Variants in SUCLG2 observed in about 807,000 individuals in gnomAD.
SUCLG2 encodes succinate-CoA ligase GDP-forming subunit beta.
In SUCLG2, 42 loss-of-function variants were observed where a neutral mutation model predicts 47.9. That is an observed-to-expected ratio of 0.88 (90% CI 0.69 to 1.14). The LOEUF is 1.14. Among genes scored for constraint, SUCLG2 ranks in the 50% most tolerant of loss-of-function variants. The pLI, the probability that SUCLG2 is intolerant of heterozygous loss-of-function variation, is 0.00. For missense variants in SUCLG2, 571 were observed against 525.9 expected (o/e 1.09, Z -0.84); for synonymous variants, 195 against 197.3 (o/e 0.99, Z 0.10).
rs1001525725 is a variant in SUCLG2 at position 67,364,943 on chromosome 3, A to G, written c.1184-4175T>C. 5.9e-5 allele frequency among the ~76,000 whole-genome samples: 9 copies of G among 152,362 alleles called. 1 individual carries two copies. Among genetic ancestry groups the G allele is most frequent in the Admixed American group, 2.6e-4 (4 of 15,310 alleles). ...CACTTGAAACAGGAACAAAATAGAA[A>G]GTTTCAGCAAAGAAACAGGATAGAA... On this transcript the variant is annotated intron_variant, in intron 10 of 10. Transcript: ENST00000493112.
At chr3:67,389,797 G>C (rs777532933) in intron 10 of SUCLG2, among the ~76,000 whole-genome samples, 1 of 152,068 alleles carries the variant, frequency 6.6e-6, no homozygotes, top group Non-Finnish European at 1.5e-5. Context: ...GACGCTTTTA[G>C]TGGTAGTTTC....
Position 67,443,402 on chromosome 3 carries a change from C to T in SUCLG2, c.1063-42551G>A, listed in dbSNP as rs1199151991. ...AGGAGCGGACGGGCCCCGCGGGGCC[C>T]GAGGGCAAGGAGCAGCCGCCTGCCT... On this transcript the variant is annotated intron_variant, in intron 9 of 10. Transcript: ENST00000307227. Among the ~76,000 whole-genome samples, 4 of 73,884 alleles carry T rather than the reference C, an allele frequency of 5.4e-5. 2 individuals carry two copies. Among genetic ancestry groups the T allele is most frequent in the African/African-American group, 1.9e-4 (4 of 20,534 alleles). The allele number at this position is 73,884 out of a possible 152,430, so 48.5% of individuals were successfully genotyped here.
At chr3:67,453,484 A>G (rs552460883) in intron 9 of SUCLG2, among the ~76,000 whole-genome samples, 142 of 152,290 alleles carry the variant, frequency 9.3e-4, no homozygotes, top group Non-Finnish European at 1.5e-3. Context: ...GACACTAATC[A>G]CATTCATGAG....
intron 4 of SUCLG2, among the ~76,000 whole-genome samples, chr3:67,521,892 T>C (rs1559556769): frequency 6.6e-6 from 1 of 152,082 alleles, no homozygotes; most frequent in Non-Finnish European, 1.5e-5. Flanking sequence ...CTGCTGGGAT[T>C]ACAGAGGTAA....
chr3:67,525,823 C>A lies in SUCLG2; in HGVS notation c.417+2309G>T, dbSNP rs113161054. On this transcript the variant is annotated intron_variant, in intron 4 of 10. Coordinates refer to ENST00000307227, the MANE Select transcript of SUCLG2 (RefSeq NM_003848.4). ...TTAAACACTTTTGCCCTGCAAATGA[C>A]CCTGTTGAAAAAATGAATATATACG... 4.5e-4 allele frequency among the ~76,000 whole-genome samples: 68 copies of A among 152,222 alleles called. 1 individual carries two copies. The highest frequency in any genetic ancestry group is 1.5e-3 in the African/African-American group (64 of 41,552).
chr3:67,538,344 G>C (rs915860979), intron 2 of SUCLG2, among the ~76,000 whole-genome samples: 2 of 152,134 alleles, frequency 1.3e-5, no homozygotes, highest in Non-Finnish European at 2.9e-5. Flanking sequence ...CCCATTGTTT[G>C]TATTTGTCAG....
intron 9 of SUCLG2, among the ~76,000 whole-genome samples, chr3:67,446,358 A>T (rs1163982687): frequency 9.8e-5 from 2 of 20,368 alleles, no homozygotes; most frequent in East Asian, 3.3e-3. Context: ...TGTATATAAA[A>T]AAAAAAAAAA....
chr3:67,389,837 T>C (rs1471723932), intron 10 of SUCLG2, among the ~76,000 whole-genome samples: 1 of 152,204 alleles, frequency 6.6e-6, no homozygotes, highest in African/African-American at 2.4e-5. Flanking sequence ...CTATACTCTG[T>C]TTTGATGGAT....
chr3:67,543,475 T>C (rs1706773488), intron 2 of SUCLG2, among the ~76,000 whole-genome samples: 1 of 152,112 alleles, frequency 6.6e-6, no homozygotes, highest in African/African-American at 2.4e-5. Flanking sequence ...GAGACAAGCC[T>C]GGGCAACATG....
At chr3:67,446,354 T>TAAAAAAAAA (rs372575700) in intron 9 of SUCLG2, among the ~76,000 whole-genome samples, 1 of 17,398 alleles carries the variant, frequency 5.7e-5, no homozygotes, top group Non-Finnish European at 1.0e-4. Context: ...CATTTGTATA[T>TAAAAAAAAA]AAAAAAAAAA....
chr3:67,556,702 T>C (rs1287254465), intron 2 of SUCLG2, among the ~76,000 whole-genome samples: 1 of 152,142 alleles, frequency 6.6e-6, no homozygotes, highest in Non-Finnish European at 1.5e-5. Context: ...TATAACACCA[T>C]TATCTCCTTC....
At chr3:67,408,978 G>T in intron 9 of SUCLG2, 1 of 1,535,206 alleles carries the variant, frequency 6.5e-7, no homozygotes, top group Non-Finnish European at 8.7e-7. Context: ...CTTCAAGAAC[G>T]TGCTTCTGAG....
chr3:67,483,867 C>A (rs1342481953), intron 9 of SUCLG2, among the ~76,000 whole-genome samples: 3 of 152,162 alleles, frequency 2.0e-5, no homozygotes, highest in Non-Finnish European at 2.9e-5. Flanking sequence ...ATGGTTGACA[C>A]CCTGACTTGT....
In SUCLG2 at chr3:67,533,114, A is replaced by G. The variant is rs141074921; in HGVS notation, c.227-3928T>C. Among the ~76,000 whole-genome samples, 3 of 152,358 alleles carry G rather than the reference A, an allele frequency of 2.0e-5. No individual in the cohort carries two copies. The East Asian group carries it at 5.8e-4, about 29-fold the overall frequency. On this transcript the variant is annotated intron_variant, in intron 2 of 10. Coordinates refer to ENST00000307227, the MANE Select transcript of SUCLG2 (RefSeq NM_003848.4). The stretch of plus-strand genomic sequence containing the variant: ...CATATTTACACAAAGTAATGCTCAC[A>G]AGACATATTTCAGAGCCATAATAGG...
chr3:67,435,095 A>G (rs1237978298), intron 9 of SUCLG2, among the ~76,000 whole-genome samples: 2 of 152,174 alleles, frequency 1.3e-5, no homozygotes, highest in Non-Finnish European at 2.9e-5. Flanking sequence ...TGGGTAAACT[A>G]CAGTAGGACC....
At chr3:67,513,097 C>G (rs1321397731) in intron 6 of SUCLG2, among the ~76,000 whole-genome samples, 4 of 146,006 alleles carry the variant, frequency 2.7e-5, no homozygotes, top group Admixed American at 2.7e-4. Context: ...GTGGAATCAT[C>G]CAGTGTTTGT....
chr3:67,462,083 A>G (rs1412703048), intron 9 of SUCLG2, among the ~76,000 whole-genome samples: 3 of 152,136 alleles, frequency 2.0e-5, no homozygotes, highest in Non-Finnish European at 2.9e-5. Flanking sequence ...TTCCTAGCTC[A>G]TAACTCCCAC....
intron 2 of SUCLG2, among the ~76,000 whole-genome samples, chr3:67,582,645 GCTGGTTGAAAGGTAGTT>G (rs1311614690): frequency 6.6e-6 from 1 of 152,118 alleles, no homozygotes; most frequent in African/African-American, 2.4e-5. Context: ...TCATGGGATT[GCTGGTTGAAAGGTAGTT>G]CTGTTTTAAG....
chr3:67,561,108 T>C (rs1019894504), intron 2 of SUCLG2, among the ~76,000 whole-genome samples: 1 of 150,536 alleles, frequency 6.6e-6, no homozygotes, highest in African/African-American at 2.5e-5. Context: ...TTTTCTTCCT[T>C]AAGGTAAGAA....
Sources: allele counts gnomAD v4.1 joint callset (sites outside exome capture counted in the v4.1 genomes callset), GRCh38; gene constraint gnomAD v4.1.1; transcripts MANE v1.5; gene names NCBI Gene and HGNC (gene_info 2026-07-23, HGNC 2026-07-21).